The following GBA1 variants were observed in gnomAD, a reference collection of about 807,000 sequenced individuals.
GBA1 encodes glucosylceramidase beta 1.
At chr1:155,239,620 T>C in the GBA1 span, 2 of 1,614,196 alleles carry the variant, frequency 1.2e-6, no homozygotes, top group Non-Finnish European at 1.7e-6. Flanking sequence ...CCTCACCTTC[T>C]TCAGAGAAGT....
chr1:155,242,179 A>G, the GBA1 span, among the ~76,000 whole-genome samples: 1 of 152,274 alleles, frequency 6.6e-6, no homozygotes, highest in South Asian at 2.1e-4. Context: ...GTGCCTGACC[A>G]CTTGGTAGGC....
At chr1:155,236,616 GT>G in the GBA1 span, 17 of 711,272 alleles carry the variant, frequency 2.4e-5, 1 homozygote, top group Admixed American at 3.5e-4. Flanking sequence ...GAGACAGGAT[GT>G]CACTCTGTCA....
chr1:155,236,420 T>C, the GBA1 span: 1 of 1,614,038 alleles, frequency 6.2e-7, no homozygotes, highest in African/African-American at 1.3e-5. Context: ...CAGGTACCAA[T>C]GTACAGCAAT....
the GBA1 span, chr1:155,238,190 T>C: frequency 6.2e-7 from 1 of 1,614,124 alleles, no homozygotes; most frequent in Non-Finnish European, 8.5e-7. Flanking sequence ...GTCCCTTGAG[T>C]GACCCCTTCC....
chr1:155,240,454 ACT>A, the GBA1 span, among the ~76,000 whole-genome samples: 118 of 151,674 alleles, frequency 7.8e-4, no homozygotes, highest in African/African-American at 2.8e-3. Context: ...ACAGAGTAAG[ACT>A]CTGTTTCAAA....
At chr1:155,238,849 T>C in the GBA1 span, 1 of 641,296 alleles carries the variant, frequency 1.6e-6, no homozygotes, top group Non-Finnish European at 2.8e-6. Flanking sequence ...TAGCAGATGA[T>C]AGGCGGTGAA....
chr1:155,239,408 A>T, the GBA1 span, among the ~76,000 whole-genome samples: 1 of 152,116 alleles, frequency 6.6e-6, no homozygotes, highest in Non-Finnish European at 1.5e-5. Context: ...GCGCACGCCT[A>T]TAATTCCAGC....
the GBA1 span, chr1:155,237,369 C>T: frequency 2.5e-6 from 4 of 1,613,854 alleles, no homozygotes; most frequent in African/African-American, 1.3e-5. Flanking sequence ...CAGCAGCAAG[C>T]GTTGGTCATC....
At chr1:155,236,618 C>T in the GBA1 span, 1 of 711,400 alleles carries the variant, frequency 1.4e-6, no homozygotes, top group Non-Finnish European at 2.5e-6. Flanking sequence ...GACAGGATGT[C>T]ACTCTGTCAC....
At chr1:155,238,637 G>A in the GBA1 span, 9 of 1,613,732 alleles carry the variant, frequency 5.6e-6, no homozygotes, top group East Asian at 1.3e-4. Context: ...CCCGGATGAT[G>A]TTATATCCGA....
At chr1:155,236,694 C>T in the GBA1 span, among the ~76,000 whole-genome samples, 1 of 151,808 alleles carries the variant, frequency 6.6e-6, no homozygotes, top group Admixed American at 6.6e-5. Flanking sequence ...GTCAACTGAT[C>T]CTCCCACATT....
chr1:155,239,864 G>T, the GBA1 span: 1 of 1,614,066 alleles, frequency 6.2e-7, no homozygotes, highest in Non-Finnish European at 8.5e-7. Flanking sequence ...CTGGCCCAGG[G>T]GGTGAGGGGT....
At chr1:155,237,240 G>T in the GBA1 span, 1 of 1,587,816 alleles carries the variant, frequency 6.3e-7, no homozygotes, top group Non-Finnish European at 8.6e-7. Context: ...GGTGCTCTAG[G>T]AATCCATAGT....
chr1:155,237,800 G>A, the GBA1 span: 3 of 943,442 alleles, frequency 3.2e-6, no homozygotes, highest in East Asian at 7.9e-5. Context: ...TACTTGGAAG[G>A]CTGAGGCAGG....
chr1:155,238,114 C>T, the GBA1 span: 6 of 1,613,622 alleles, frequency 3.7e-6, no homozygotes, highest in Non-Finnish European at 5.1e-6. Flanking sequence ...CCTGATCCCA[C>T]ATCCTTGCTG....
chr1:155,239,492 C>G, the GBA1 span: 1 of 1,045,652 alleles, frequency 9.6e-7, no homozygotes, highest in Non-Finnish European at 1.4e-6. Flanking sequence ...GATCACACCA[C>G]TGCACTCCTG....
the GBA1 span, chr1:155,235,646 C>G: frequency 8.4e-6 from 13 of 1,556,498 alleles, no homozygotes; most frequent in Non-Finnish European, 1.1e-5. Context: ...GATGATAGGC[C>G]TGGTATGGAA....
chr1:155,235,250 C>A, the GBA1 span: 1 of 1,613,888 alleles, frequency 6.2e-7, no homozygotes, highest in Middle Eastern at 1.7e-4. Flanking sequence ...GCCACTGCGT[C>A]CAGGTCGTTC....
At chr1:155,239,204 C>G in the GBA1 span, among the ~76,000 whole-genome samples, 3 of 145,804 alleles carry the variant, frequency 2.1e-5, no homozygotes, top group African/African-American at 7.7e-5. Flanking sequence ...GGTGACAGTG[C>G]GAGACTCTGT....
Sources: allele counts gnomAD v4.1 joint callset (sites outside exome capture counted in the v4.1 genomes callset), GRCh38; gene constraint gnomAD v4.1.1; transcripts MANE v1.5; gene names NCBI Gene and HGNC (gene_info 2026-07-23, HGNC 2026-07-21).